WDR86: variants seen among roughly 807,000 people sequenced by gnomAD.
WDR86 encodes the protein WD repeat-containing protein 86.
WDR86 carries 30 observed loss-of-function variants against 36.5 expected under a neutral mutation model. The ratio of observed to expected loss-of-function variants is 0.82; its 90% confidence interval spans 0.61 to 1.11. The LOEUF is 1.11. Among genes scored for constraint, WDR86 ranks in the 50% most tolerant of loss-of-function variants. WDR86 has a pLI of 0.00. For missense variants in WDR86, 545 were observed against 561.2 expected (o/e 0.97, Z 0.29); for synonymous variants, 255 against 252.9 (o/e 1.01, Z -0.08).
At position 151,396,164 on chromosome 7, in the gene WDR86, C is replaced by G; in HGVS notation, c.338G>C (p.Ser113Thr). ...ILVANNQLFSSSYDRTARVWS... is the reference protein window; with the variant it reads ...ILVANNQLFSTSYDRTARVWS... ...GACCCGAGCTGTCCGGTCATAGGAG[C>G]TGCTGAAGAGCTGGTTGTTGGCAAC... Residue 113 changes from serine to threonine, a missense_variant, in exon 3 of 6, where the codon AGC (serine) becomes ACC (threonine). By Grantham distance (58) the Ser-to-Thr change is moderately conservative (BLOSUM62 1). Coordinates refer to ENST00000334493, the MANE Select transcript of WDR86 (RefSeq NM_198285.3). 6.2e-7 allele frequency: 1 copy of G among 1,612,986 alleles called. No homozygotes were observed. The highest frequency in any genetic ancestry group is 1.1e-5 in the South Asian group (1 of 91,090).
chr7:151,371,218 C>T (rs1278787459), downstream of WDR86, among the ~76,000 whole-genome samples: 1 of 152,192 alleles, frequency 6.6e-6, no homozygotes, highest in Admixed American at 6.5e-5. Context: ...CCCAAAATGG[C>T]CTAAACATCA....
chr7:151,377,956 A>T (rs1283493669), downstream of WDR86: 2 of 152,342 alleles, frequency 1.3e-5, no homozygotes, highest in South Asian at 4.1e-4. Flanking sequence ...AACCAAAGCA[A>T]TTTATTTTTA....
intron 1 of WDR86, among the ~76,000 whole-genome samples, chr7:151,408,028 TC>T (rs1800850059): frequency 6.6e-6 from 1 of 152,038 alleles, no homozygotes; most frequent in Non-Finnish European, 1.5e-5. Context: ...TATTTTCCAT[TC>T]CTGGTTGAAT....
At chr7:151,375,751 A>G (rs1207218273), downstream of WDR86, 2 of 789,238 alleles carry the variant, frequency 2.5e-6, no homozygotes, top group Admixed American at 3.6e-5. Context: ...GCAGCAGAGG[A>G]CGGCGGGGTC....
rs1424509020 is a variant in WDR86 at position 151,381,343 on chromosome 7, G to A, written c.*239C>T. On this transcript the variant is annotated 3_prime_UTR_variant, in exon 6 of 6. Transcript: ENST00000334493. The surrounding 1 kb of genome is among the most constrained non-coding windows in gnomAD (Gnocchi z 4.8). ...TTTCGCCAGGTCAGGGATGGGGAGG[G>A]AGGACAGGAGCCACCCTAAAAGGGA... 1 of 1,390,816 alleles carries A rather than the reference G, an allele frequency of 7.2e-7. No individual in the cohort carries two copies. Among genetic ancestry groups the A allele is most frequent in the Admixed American group, 3.6e-5 (1 of 27,556 alleles). The allele number at this position is 1,390,816 out of a possible 1,614,324, so 86.2% of individuals were successfully genotyped here. A position where few individuals can be genotyped will look rare whatever the true frequency, so the allele number is the denominator to read the frequency against.
chr7:151,386,995 T>C (rs1024854951), intron 3 of WDR86, among the ~76,000 whole-genome samples: 36 of 152,204 alleles, frequency 2.4e-4, no homozygotes, highest in African/African-American at 8.2e-4. Context: ...CCCAGGGCAC[T>C]GTGTCTGTGT....
chr7:151,409,431 C>T lies in WDR86; in HGVS notation c.159G>A (p.Leu53=), dbSNP rs1801022294. Residue 53 remains leucine (L), a synonymous_variant, in exon 1 of 6, where the codon CTG becomes CTA. Transcript: ENST00000334493. The surrounding 1 kb of genome is among the most constrained non-coding windows in gnomAD (Gnocchi z 5.2). ...GGAGGGAGTGGGAGGGTCTACCTTG[C>T]AGGAGCGCGCAGCACTGGCCGTCCG... ...STADGQCCAL[L]QGHESYVTFC... 2.6e-6 allele frequency: 4 copies of T among 1,551,898 alleles called. No individual in the cohort carries two copies. The highest frequency in any genetic ancestry group is 3.5e-6 in the Non-Finnish European group (4 of 1,153,296).
chr7:151,376,851 T>G, downstream of WDR86: 1 of 1,539,726 alleles, frequency 6.5e-7, no homozygotes, highest in Non-Finnish European at 8.8e-7. Flanking sequence ...GAGAGCAAAG[T>G]GTCTTCAGAA....
chr7:151,385,132 G>A lies in WDR86; in HGVS notation c.818C>T (p.Ala273Val). The A allele has an allele frequency of 1.2e-6, 2 of 1,612,426 alleles. No individual in the cohort carries two copies. Among genetic ancestry groups the A allele is most frequent in the East Asian group, 2.2e-5 (1 of 44,880 alleles). ...GAGGGCGCTCACGTTGCGTCTGTGG[G>A]CCGTGAACGTGCGCACACACTCCCC... ...DTGECVRTFT[A>V]HRRNVSALKY... The change falls in exon 4 of 6, where the codon GCC (alanine) becomes GTC (valine). Residue 273 changes from alanine (A) to valine (V), a missense_variant. Ala to Val is a moderately conservative substitution (Grantham distance 64). Coordinates refer to ENST00000334493, the MANE Select transcript of WDR86 (RefSeq NM_198285.3).
chr7:151,376,941 G>T (rs114412640), downstream of WDR86: 1,048 of 1,416,614 alleles, frequency 7.4e-4, 8 homozygotes, highest in African/African-American at 0.013. Flanking sequence ...CGGCCACCTG[G>T]ACAGTGTGGC....
Position 151,400,099 on chromosome 7 carries a change from C to A in WDR86, c.305+1G>T. 1 of 1,577,606 alleles carries A rather than the reference C, an allele frequency of 6.3e-7. No individual in the cohort carries two copies. The highest frequency in any genetic ancestry group is 1.2e-5 in the South Asian group (1 of 85,188). On this transcript the variant is annotated splice_donor_variant, in intron 2 of 5. Transcript: ENST00000334493. LOFTEE classifies it high-confidence loss of function. ...CAGCCCAAGCCCCCAGCCAGGCTGA[C>A]CTGTTCACGATGGACGTGTGTCCTC...
intron 3 of WDR86, 22 bp from the exon 4 acceptor site, chr7:151,385,245 G>T (rs1798883549): frequency 1.9e-6 from 3 of 1,608,562 alleles, no homozygotes; most frequent in African/African-American, 1.3e-5. Context: ...AGCAGGGAAG[G>T]TCGGCAGCTG....
chr7:151,405,633 G>A lies in WDR86; in HGVS notation c.163+3794C>T, dbSNP rs1293687703. ...GCCCCCACTTTGAACCAAGACCTAC[G>A]CAGCTTGGCTTTCTGGACTTCTCCG... On this transcript the variant is annotated intron_variant, in intron 1 of 5. Coordinates refer to ENST00000334493, the MANE Select transcript of WDR86 (RefSeq NM_198285.3). This position sits in a 1 kb window ranked among gnomAD's most constrained non-coding sequence, Gnocchi z 4.7. Among the ~76,000 whole-genome samples, 3 of 152,248 alleles carry A rather than the reference G, an allele frequency of 2.0e-5. No individual in the cohort carries two copies. Among genetic ancestry groups the A allele is most frequent in the Admixed American group, 6.5e-5 (1 of 15,296 alleles).
At position 151,409,294 on chromosome 7, in the gene WDR86, T is replaced by A; in HGVS notation, c.163+133A>T. 6 of 1,394,286 alleles carry A rather than the reference T, an allele frequency of 4.3e-6. No homozygotes were observed. The highest frequency in any genetic ancestry group is 5.9e-6 in the Non-Finnish European group (6 of 1,020,520). 86.4% of individuals were successfully genotyped at this position (1,394,286 alleles called of 1,614,324 possible). ...CCAGATGCTGGGCCCAGACAAGCGCTCTTCCGCTAGTGTGCCGGGATGAGC... is the reference window on the plus strand; with the variant it reads ...CCAGATGCTGGGCCCAGACAAGCGCACTTCCGCTAGTGTGCCGGGATGAGC... On this transcript the variant is annotated intron_variant, in intron 1 of 5. Coordinates refer to ENST00000334493, the MANE Select transcript of WDR86 (RefSeq NM_198285.3). This position sits in a 1 kb window ranked among gnomAD's most constrained non-coding sequence, Gnocchi z 5.2.
At chr7:151,395,207 T>A (rs1380863418) in intron 3 of WDR86, among the ~76,000 whole-genome samples, 1 of 152,138 alleles carries the variant, frequency 6.6e-6, no homozygotes, top group African/African-American at 2.4e-5. Context: ...CTGCCGGCGT[T>A]CACCCTGACA....
Position 151,388,261 on chromosome 7 carries a change from G to T in WDR86, c.727-3038C>A, listed in dbSNP as rs570986867. Among the ~76,000 whole-genome samples, 1 of 152,326 alleles carries T rather than the reference G, an allele frequency of 6.6e-6. No individual in the cohort carries two copies. Among genetic ancestry groups the T allele is most frequent in the African/African-American group, 2.4e-5 (1 of 41,564 alleles). On this transcript the variant is annotated intron_variant, in intron 3 of 5. Transcript: ENST00000334493. This position sits in a 1 kb window ranked among gnomAD's most constrained non-coding sequence, Gnocchi z 4.2. ...ATGTTGCTATCTGATTTCAAAACTG[G>T]GTGCATAGGTGTCTGTTTTAGTTAT...
intron 1 of WDR86, chr7:151,408,785 G>A (rs1338562074): frequency 1.4e-5 from 6 of 421,176 alleles, no homozygotes; most frequent in African/African-American, 2.0e-5. Context: ...GTGAGTACAG[G>A]GCACAAATAG....
intron 1 of WDR86, chr7:151,408,920 G>T: frequency 2.1e-6 from 1 of 471,688 alleles, no homozygotes; most frequent in Non-Finnish European, 4.4e-6. Context: ...TCTGTATGTG[G>T]GGTAACATAG....
chr7:151,389,783 G>A (rs543923730), intron 3 of WDR86, among the ~76,000 whole-genome samples: 5 of 152,364 alleles, frequency 3.3e-5, no homozygotes, highest in Admixed American at 3.3e-4. Context: ...GGAAGGGGAA[G>A]GAGATGAGGT....
Sources: gnomAD v4.1 joint callset for allele counts (sites outside exome capture counted in the v4.1 genomes callset) on GRCh38, gnomAD v4.1.1 for gene constraint, Gnocchi (gnomAD v3.1) non-coding constraint, MANE v1.5 for transcripts, NCBI Gene and HGNC (gene_info 2026-07-23, HGNC 2026-07-21) for gene names.